The following NTN1 variants were observed in gnomAD, a reference collection of about 807,000 sequenced individuals.
NTN1 encodes the protein netrin-1.
Under a neutral mutation model 54.2 loss-of-function variants are expected in NTN1, and 11 were observed. The observed-to-expected ratio is 0.20, with a 90% CI of 0.13 to 0.34. The LOEUF is 0.34. Among genes scored for constraint, NTN1 ranks in the 10% least tolerant of loss-of-function variants. The pLI, the probability that NTN1 is intolerant of heterozygous loss-of-function variation, is 1.00. For synonymous variants in NTN1, 371 were observed against 382.0 expected (o/e 0.97, Z 0.33); for missense variants, 740 against 893.1 (o/e 0.83, Z 2.18).
the NTN1 span, among the ~76,000 whole-genome samples, chr17:9,004,361 G>T: frequency 0.36 from 54,889 of 152,222 alleles, 10,772 homozygotes; most frequent in African/African-American, 0.51. Flanking sequence ...TATCAGCCCC[G>T]TCGCCCTCGC....
chr17:9,035,921 C>G (rs2151511463), intron 2 of NTN1, among the ~76,000 whole-genome samples: 1 of 152,314 alleles, frequency 6.6e-6, no homozygotes, highest in Non-Finnish European at 1.5e-5. Flanking sequence ...ACTTGGGAAG[C>G]TGAGGCATGA....
chr17:9,052,317 C>T (rs958680183), intron 2 of NTN1, among the ~76,000 whole-genome samples: 2 of 152,172 alleles, frequency 1.3e-5, no homozygotes, highest in African/African-American at 4.8e-5. Context: ...AGGGCATAAT[C>T]ATTGAACATT....
intron 2 of NTN1, among the ~76,000 whole-genome samples, chr17:9,138,403 G>T (rs2092287498): frequency 6.6e-6 from 1 of 152,136 alleles, no homozygotes; most frequent in Admixed American, 6.6e-5. Context: ...GAGCGGGCTT[G>T]GAAGGAGGAC....
At chr17:9,052,387 A>T (rs1483813639) in intron 2 of NTN1, among the ~76,000 whole-genome samples, 1 of 152,210 alleles carries the variant, frequency 6.6e-6, no homozygotes, top group Non-Finnish European at 1.5e-5. Context: ...TCCACCTCTC[A>T]GTACCCACCC....
intron 6 of NTN1, among the ~76,000 whole-genome samples, chr17:9,229,095 A>T (rs1006722604): frequency 4.1e-4 from 1 of 2,454 alleles, no homozygotes; most frequent in Non-Finnish European, 7.9e-4. Flanking sequence ...TGTGTGACTG[A>T]GACTGTGACT....
chr17:9,179,664 T>C (rs553242256), intron 3 of NTN1, 143 bp from the exon 4 acceptor site: 10 of 1,051,256 alleles, frequency 9.5e-6, no homozygotes, highest in African/African-American at 3.2e-5. Context: ...CGGAGTGCGT[T>C]TGGGCTTGGC....
intron 6 of NTN1, among the ~76,000 whole-genome samples, chr17:9,224,052 T>C (rs1274694544): frequency 2.0e-5 from 3 of 152,210 alleles, no homozygotes. Context: ...GCCTCTGCTC[T>C]GTTCTTTAAT....
chr17:9,193,939 A>AAAAAAAAAAAAAT (rs1904550601), intron 5 of NTN1, among the ~76,000 whole-genome samples: 1 of 81,690 alleles, frequency 1.2e-5, no homozygotes, highest in Non-Finnish European at 3.2e-5. Context: ...AAAAAAAAAA[A>AAAAAAAAAAAAAT]AAAAACATTA....
chr17:9,119,283 G>A (rs1207927716), intron 2 of NTN1, among the ~76,000 whole-genome samples: 2 of 152,036 alleles, frequency 1.3e-5, no homozygotes, highest in African/African-American at 4.8e-5. Flanking sequence ...TGCCTCCCGG[G>A]TTCAAGCAAT....
At chr17:9,227,142 A>G (rs1380158925) in intron 6 of NTN1, among the ~76,000 whole-genome samples, 1 of 151,878 alleles carries the variant, frequency 6.6e-6, no homozygotes, top group Non-Finnish European at 1.5e-5. Flanking sequence ...GTCTCACACA[A>G]CCGCTGTGCT....
intron 2 of NTN1, 93 bp downstream of exon 2, chr17:9,023,484 C>G (rs147143095): frequency 7.7e-7 from 1 of 1,290,542 alleles, no homozygotes; most frequent in South Asian, 2.3e-5. Context: ...GAGCGCGGGT[C>G]GAGGGAACGG....
chr17:9,233,518 G>T (rs1052476972), intron 6 of NTN1, among the ~76,000 whole-genome samples: 1 of 152,004 alleles, frequency 6.6e-6, no homozygotes, highest in African/African-American at 2.4e-5. Context: ...TGACAATGCA[G>T]GGTCCTCAGA....
Position 9,221,086 on chromosome 17 carries a change from G to A in NTN1, c.1412-82G>A, listed in dbSNP as rs1034623368. ...CACAGGCCTCTGGCTATTTAGGGAG[G>A]CGGCCTCCTACTCTGCCCGCCAGCC... is the stretch of plus-strand genomic sequence containing the variant. On this transcript the variant is annotated intron_variant, in intron 5 of 6. Coordinates refer to ENST00000173229, the MANE Select transcript of NTN1 (RefSeq NM_004822.3). The surrounding 1 kb of genome is among the most constrained non-coding windows in gnomAD (Gnocchi z 4.5). The A allele has an allele frequency of 3.0e-6, 3 of 1,013,442 alleles. No homozygotes were observed. The highest frequency in any genetic ancestry group is 4.7e-6 in the Non-Finnish European group (3 of 634,902). The allele number at this position is 1,013,442 out of a possible 1,614,324, so 62.8% of individuals were successfully genotyped here.
At chr17:9,050,396 G>C (rs1237554225) in intron 2 of NTN1, among the ~76,000 whole-genome samples, 1 of 151,854 alleles carries the variant, frequency 6.6e-6, no homozygotes, top group African/African-American at 2.4e-5. Flanking sequence ...GGGGCCAGGC[G>C]TGGTGGCTCA....
At chr17:9,021,367 G>C (rs1194454184), upstream of NTN1, among the ~76,000 whole-genome samples, 6 of 56,890 alleles carry the variant, frequency 1.1e-4, no homozygotes, top group Admixed American at 1.7e-4. Context: ...TCTCCCTCTC[G>C]GGCGTCCGGG....
chr17:9,167,423 A>G (rs889914361), intron 3 of NTN1, among the ~76,000 whole-genome samples: 2 of 152,182 alleles, frequency 1.3e-5, no homozygotes, highest in African/African-American at 4.8e-5. Context: ...GTGATGGATA[A>G]AGACATTCCA....
chr17:9,108,108 A>G (rs995843694), intron 2 of NTN1, among the ~76,000 whole-genome samples: 1 of 152,188 alleles, frequency 6.6e-6, no homozygotes, highest in Non-Finnish European at 1.5e-5. Context: ...GGGTTCTACA[A>G]ATAACTGAAT....
intron 5 of NTN1, among the ~76,000 whole-genome samples, chr17:9,193,919 C>CT (rs1904538705): frequency 5.5e-4 from 3 of 5,458 alleles, no homozygotes; most frequent in East Asian, 0.01. Context: ...GAAACTCCGA[C>CT]TAAAAAAAAA....
chr17:9,071,579 C>T (rs2092032119), intron 2 of NTN1, among the ~76,000 whole-genome samples: 1 of 152,190 alleles, frequency 6.6e-6, no homozygotes. Flanking sequence ...CTGGTGGAAG[C>T]CAAAGGACTT....
Sources: gnomAD v4.1 joint callset for allele counts (sites outside exome capture counted in the v4.1 genomes callset) on GRCh38, gnomAD v4.1.1 for gene constraint, Gnocchi (gnomAD v3.1) non-coding constraint, MANE v1.5 for transcripts, NCBI Gene and HGNC (gene_info 2026-07-23, HGNC 2026-07-21) for gene names.